The following FGFRL1 variants were observed in gnomAD, a reference collection of about 807,000 sequenced individuals.
FGFRL1 encodes the protein fibroblast growth factor receptor-like 1.
A neutral mutation model predicts 36.8 loss-of-function variants in FGFRL1; 24 were observed. That is an observed-to-expected ratio of 0.65 (90% CI 0.47 to 0.92). The LOEUF (loss-of-function observed/expected upper bound fraction) is 0.92. Among genes scored for constraint, FGFRL1 ranks in the 40% least tolerant of loss-of-function variants. FGFRL1 has a pLI of 0.00. For missense variants in FGFRL1, 785 were observed against 753.4 expected, an observed-to-expected ratio of 1.04 and a Z score of -0.49; for synonymous variants, 422 against 344.1, an observed-to-expected ratio of 1.23 and a Z score of -2.50.
chr4:1,025,050 C>T lies in FGFRL1; in HGVS notation c.1218C>T (p.Cys406=). ...LWLCQAQKKP[C]TPAPAPPLPG... The stretch of plus-strand genomic sequence containing the variant: ...TTTGCCAGGCCCAGAAGAAGCCGTG[C>T]ACCCCCGCGCCTGCCCCTCCCCTGC... The change falls in exon 7 of 7, where the codon TGC becomes TGT. Residue 406 remains cysteine (C), a synonymous_variant. Transcript: ENST00000510644. 2 of 1,609,918 alleles carry T rather than the reference C, an allele frequency of 1.2e-6. No individual in the cohort carries two copies. Among genetic ancestry groups the T allele is most frequent in the Non-Finnish European group, 1.7e-6 (2 of 1,178,842 alleles).
At chr4:1,014,207 G>A (rs535584347) in intron 2 of FGFRL1, among the ~76,000 whole-genome samples, 40 of 152,138 alleles carry the variant, frequency 2.6e-4, no homozygotes, top group African/African-American at 9.2e-4. Flanking sequence ...GCTACACTCA[G>A]ATCATATTTT....
At position 1,025,252 on chromosome 4, in the gene FGFRL1, C is replaced by G. The variant is rs926208492; in HGVS notation, c.1420C>G (p.Leu474Val). 5 of 1,606,870 alleles carry G rather than the reference C, an allele frequency of 3.1e-6. No homozygotes were observed. The Admixed American group carries it at 8.4e-5, about 27-fold the overall frequency. The change falls in exon 7 of 7, where the codon CTC becomes GTC. Residue 474 changes from leucine to valine, a missense_variant. Leu to Val is a conservative substitution (Grantham distance 32). Transcript: ENST00000510644. ...PVAGPKLYPK[L>V]YTDIHTHTHT... The stretch of plus-strand genomic sequence containing the variant: ...TGCTGGCCCTAAGTTGTACCCCAAA[C>G]TCTACACAGACATCCACACACACAC...
chr4:1,025,558 A>C lies in FGFRL1; in HGVS notation c.*211A>C. ...CATGTATGCACACACATGCGCGCAC[A>C]CGTGCTCCCTGAAGGCACACGTACG... On this transcript the variant is annotated 3_prime_UTR_variant, in exon 7 of 7. Transcript: ENST00000510644. 5 of 643,264 alleles carry C rather than the reference A, an allele frequency of 7.8e-6. No individual in the cohort carries two copies. The highest frequency in any genetic ancestry group is 1.3e-5 in the Non-Finnish European group (5 of 379,818). 39.8% of individuals were successfully genotyped at this position (643,264 alleles called of 1,614,324 possible).
Position 1,025,141 on chromosome 4 carries a change from G to A in FGFRL1, c.1309G>A (p.Ala437Thr), listed in dbSNP as rs770052916. 23 of 1,610,544 alleles carry A rather than the reference G, an allele frequency of 1.4e-5. No individual in the cohort carries two copies. Among genetic ancestry groups the A allele is most frequent in the Admixed American group, 5.0e-5 (3 of 59,728 alleles). Residue 437 changes from alanine to threonine, a missense_variant, in exon 7 of 7, where the codon GCC (alanine) becomes ACC (threonine). Transcript: ENST00000510644. Reference protein sequence around the residue: ...SGDKDLPSLAALSAGPGVGLC... With the variant: ...SGDKDLPSLATLSAGPGVGLC... ...AGACAAGGACCTTCCCTCGTTGGCC[G>A]CCCTCAGCGCTGGCCCTGGTGTGGG...
At position 1,023,543 on chromosome 4, in the gene FGFRL1, CGGCTGG is replaced by C. The variant is rs1716311153; in HGVS notation, c.353-89_353-84del. The C allele has an allele frequency of 8.7e-7, 1 of 1,143,794 alleles. No homozygotes were observed. The highest frequency in any genetic ancestry group is 1.3e-6 in the Non-Finnish European group (1 of 780,606). 70.9% of individuals were successfully genotyped at this position (1,143,794 alleles called of 1,614,324 possible). Reference sequence around the variant, plus strand: ...CCTGCCTGGGTGTCCAGGGCTGTCCCGGCTGGGGCTGGGGGAGCTAGAGGCCACGGG... The same window carrying C: ...CCTGCCTGGGTGTCCAGGGCTGTCCCGGCTGGGGGAGCTAGAGGCCACGGG... On this transcript the variant is annotated intron_variant, in intron 3 of 6. Coordinates refer to ENST00000510644, the MANE Select transcript of FGFRL1 (RefSeq NM_001004356.3). This position sits in a 1 kb window ranked among gnomAD's most constrained non-coding sequence, Gnocchi z 6.0.
chr4:1,020,041 T>C (rs1448261840), intron 2 of FGFRL1, among the ~76,000 whole-genome samples: 1 of 152,236 alleles, frequency 6.6e-6, no homozygotes, highest in Non-Finnish European at 1.5e-5. Flanking sequence ...TTGGGAGGCC[T>C]CCAGAGAGGT....
upstream of FGFRL1, among the ~76,000 whole-genome samples, chr4:1,011,543 A>C (rs1715581235): frequency 8.2e-5 from 10 of 122,340 alleles, no homozygotes; most frequent in East Asian, 5.4e-4. Context: ...GGGGCGGGGC[A>C]CGGGGGAGGG....
Position 1,022,273 on chromosome 4 carries a change from G to T in FGFRL1, c.150G>T (p.Gln50His). 6.3e-7 allele frequency: 1 copy of T among 1,590,790 alleles called. No homozygotes were observed. Among genetic ancestry groups the T allele is most frequent in the Middle Eastern group, 1.8e-4 (1 of 5,474 alleles). Residue 50 changes from glutamine to histidine, a missense_variant, in exon 3 of 7, where the codon CAG (glutamine) becomes CAT (histidine). Gln to His is a conservative substitution (Grantham distance 24). Transcript: ENST00000510644. ...GGCTGGGCCGCACTGTGCGGCTGCA[G>T]TGCCCAGTGGAGGGGGACCCGCCGC... ...VARLGRTVRL[Q>H]CPVEGDPPPL...
rs533496126 is a variant in FGFRL1, at chr4:1,022,364, C to T, written c.241C>T (p.Pro81Ser). 1.9e-6 allele frequency: 3 copies of T among 1,609,528 alleles called. No homozygotes were observed. In the African/African-American group the frequency reaches 4.0e-5, roughly 21 times the overall value. The change falls in exon 3 of 7, where the codon CCG becomes TCG. Residue 81 changes from proline to serine, a missense_variant. By Grantham distance (74) the Pro-to-Ser change is moderately conservative (BLOSUM62 -1). Coordinates refer to ENST00000510644, the MANE Select transcript of FGFRL1 (RefSeq NM_001004356.3). ...HSGWSRFRVL[P>S]QGLKVKQVER... is the part of the protein sequence containing the mutation. ...CGGCTGGAGCCGCTTCCGCGTGCTG[C>T]CGCAGGGGCTGAAGGTGAAGCAGGT...
At chr4:1,016,586 G>T (rs944871339) in intron 2 of FGFRL1, among the ~76,000 whole-genome samples, 1 of 152,094 alleles carries the variant, frequency 6.6e-6, no homozygotes, top group Non-Finnish European at 1.5e-5. Flanking sequence ...CAGCATGGTG[G>T]GCCACATGCT....
At chr4:1,013,652 C>T (rs950464206) in intron 2 of FGFRL1, among the ~76,000 whole-genome samples, 11 of 152,282 alleles carry the variant, frequency 7.2e-5, no homozygotes, top group Non-Finnish European at 1.5e-4. Flanking sequence ...TGGCCAGCGG[C>T]CTGGACTTGC....
At chr4:1,022,665 C>T (rs1353869634) in intron 3 of FGFRL1, among the ~76,000 whole-genome samples, 190 bp downstream of exon 3, 1 of 152,190 alleles carries the variant, frequency 6.6e-6, no homozygotes, top group Non-Finnish European at 1.5e-5. Flanking sequence ...CTGTCCCGTT[C>T]CTGTCCCCGT....
chr4:1,021,189 G>A (rs1190239657), intron 2 of FGFRL1, among the ~76,000 whole-genome samples: 2 of 141,442 alleles, frequency 1.4e-5, no homozygotes, highest in Non-Finnish European at 3.1e-5. Flanking sequence ...GGGGACCCAG[G>A]CAGGGGATGG....
chr4:1,012,458 C>A lies in FGFRL1; in HGVS notation c.-16-12C>A. On this transcript the variant is annotated splice_polypyrimidine_tract_variant and intron_variant, in intron 1 of 6. Coordinates refer to ENST00000510644, the MANE Select transcript of FGFRL1 (RefSeq NM_001004356.3). ...TTCCACGTGTTAGTGACGGCGCCCC[C>A]AATGTCCCCAGGTCCGGACAGGCCG... 1.3e-6 allele frequency: 2 copies of A among 1,575,890 alleles called. No individual in the cohort carries two copies. The highest frequency in any genetic ancestry group is 1.1e-5 in the South Asian group (1 of 88,140).
Position 1,023,522 on chromosome 4 carries a change from C to A in FGFRL1, c.353-119C>A. The A allele has an allele frequency of 1.1e-6, 1 of 918,904 alleles. No individual in the cohort carries two copies. Among genetic ancestry groups the A allele is most frequent in the Non-Finnish European group, 1.7e-6 (1 of 582,568 alleles). 56.9% of individuals were successfully genotyped at this position (918,904 alleles called of 1,614,324 possible). ...TGTGGGTGTGTGGCGCAGCCCCCTGCCTGGGTGTCCAGGGCTGTCCCGGCT... is the reference window on the plus strand; with the variant it reads ...TGTGGGTGTGTGGCGCAGCCCCCTGACTGGGTGTCCAGGGCTGTCCCGGCT... On this transcript the variant is annotated intron_variant, in intron 3 of 6. Coordinates refer to ENST00000510644, the MANE Select transcript of FGFRL1 (RefSeq NM_001004356.3). This position sits in a 1 kb window ranked among gnomAD's most constrained non-coding sequence, Gnocchi z 6.0.
chr4:1,014,619 G>A (rs1350229013), intron 2 of FGFRL1, among the ~76,000 whole-genome samples: 1 of 118,360 alleles, frequency 8.4e-6, no homozygotes, highest in Non-Finnish European at 1.9e-5. Flanking sequence ...GGGGGCAAGA[G>A]TCTGAAGGGT....
In FGFRL1 at chr4:1,026,046, G is replaced by A. The variant is rs115679552; in HGVS notation, c.*699G>A. On this transcript the variant is annotated 3_prime_UTR_variant, in exon 7 of 7. Transcript: ENST00000510644. The stretch of plus-strand genomic sequence containing the variant: ...AGACATGCTGTCCGGACACACACAC[G>A]CATGCACAGATATGCTGTCCGGACA... The A allele has an allele frequency of 0.014, 1,808 of 128,024 alleles. 18 individuals are homozygous for A. Among genetic ancestry groups the A allele is most frequent in the Non-Finnish European group, 0.021 (1,198 of 57,658 alleles). 7.9% of individuals were successfully genotyped at this position (128,024 alleles called of 1,614,324 possible).
intron 2 of FGFRL1, among the ~76,000 whole-genome samples, chr4:1,016,459 G>A (rs1256606250): frequency 6.6e-6 from 1 of 152,154 alleles, no homozygotes; most frequent in African/African-American, 2.4e-5. Context: ...TCTCCAGGGC[G>A]TGGGACTGCC....
In FGFRL1 at chr4:1,023,831, A is replaced by C. The variant is rs1716335839; in HGVS notation, c.448A>C (p.Thr150Pro). Residue 150 changes from threonine (T) to proline (P), a missense_variant, in exon 5 of 7, where the codon ACA (threonine) becomes CCA (proline). Physicochemically the swap from Thr to Pro is conservative, Grantham distance 38. Coordinates refer to ENST00000510644, the MANE Select transcript of FGFRL1 (RefSeq NM_001004356.3). This position sits in a 1 kb window ranked among gnomAD's most constrained non-coding sequence, Gnocchi z 6.0. ...ASQQWARPRF[T>P]QPSKMRRRVI... Reference sequence around the variant, plus strand: ...CCACCCCGCAGCACGACCGCGCTTCACACAGCCCTCCAAGATGAGGCGCCG... The same window carrying C: ...CCACCCCGCAGCACGACCGCGCTTCCCACAGCCCTCCAAGATGAGGCGCCG... 6.3e-7 allele frequency: 1 copy of C among 1,582,828 alleles called. No homozygotes were observed. The highest frequency in any genetic ancestry group is 8.6e-7 in the Non-Finnish European group (1 of 1,165,000).
Sources: gnomAD v4.1 joint callset for allele counts (sites outside exome capture counted in the v4.1 genomes callset) on GRCh38, gnomAD v4.1.1 for gene constraint, Gnocchi (gnomAD v3.1) non-coding constraint, MANE v1.5 for transcripts, NCBI Gene and HGNC (gene_info 2026-07-23, HGNC 2026-07-21) for gene names.